The following ATP8B4 variants were observed in gnomAD, a reference collection of about 807,000 sequenced individuals.
The protein encoded by ATP8B4 is probable phospholipid-transporting ATPase IM.
A neutral mutation model predicts 145.6 loss-of-function variants in ATP8B4; 133 were observed. The ratio of observed to expected loss-of-function variants is 0.91; its 90% confidence interval spans 0.79 to 1.05. ATP8B4 has a LOEUF of 1.05. Ranked by LOEUF, ATP8B4 falls within the 50% of genes least tolerant of loss-of-function variation. The pLI, the probability that ATP8B4 is intolerant of heterozygous loss-of-function variation, is 0.00. For synonymous variants in ATP8B4, 507 were observed against 492.9 expected (o/e 1.03, Z -0.38); for missense variants, 1,458 against 1,425.2 (o/e 1.02, Z -0.37).
intron 16 of ATP8B4, among the ~76,000 whole-genome samples, chr15:49,925,717 A>G (rs1398328981): frequency 6.6e-6 from 1 of 152,150 alleles, no homozygotes; most frequent in South Asian, 2.1e-4. Flanking sequence ...CCCTTAACCT[A>G]GTATTTGTCC....
At chr15:50,000,722 CAA>C (rs2047817346) in intron 8 of ATP8B4, among the ~76,000 whole-genome samples, 1 of 152,102 alleles carries the variant, frequency 6.6e-6, no homozygotes, top group South Asian at 2.1e-4. Context: ...TCCAGTTTAT[CAA>C]AGTTTTCCTT....
chr15:49,951,811 AT>A (rs1231375741), intron 14 of ATP8B4, among the ~76,000 whole-genome samples: 3 of 151,854 alleles, frequency 2.0e-5, no homozygotes, highest in Non-Finnish European at 4.4e-5. Context: ...AATTTAATGT[AT>A]TTTTTCAGTG....
intron 3 of ATP8B4, among the ~76,000 whole-genome samples, chr15:50,055,412 G>T (rs996199171): frequency 1.3e-5 from 2 of 152,136 alleles, no homozygotes; most frequent in African/African-American, 4.8e-5. Flanking sequence ...GTATCTCTAT[G>T]TTTGTCTTAA....
intron 3 of ATP8B4, among the ~76,000 whole-genome samples, chr15:50,055,286 A>G (rs916294701): frequency 6.6e-6 from 1 of 152,170 alleles, no homozygotes; most frequent in African/African-American, 2.4e-5. Context: ...TGTCCATTCA[A>G]CTCAAACTAA....
At chr15:50,029,486 T>C (rs1044488397) in intron 6 of ATP8B4, among the ~76,000 whole-genome samples, 1 of 152,116 alleles carries the variant, frequency 6.6e-6, no homozygotes, top group African/African-American at 2.4e-5. Context: ...TCTTTCCTTC[T>C]CTTCTCTCAT....
At chr15:49,924,157 G>A (rs962266503) in intron 16 of ATP8B4, among the ~76,000 whole-genome samples, 2 of 151,906 alleles carry the variant, frequency 1.3e-5, no homozygotes, top group African/African-American at 4.8e-5. Context: ...ACAGGTTTGA[G>A]ACTGACAGCC....
intron 1 of ATP8B4, among the ~76,000 whole-genome samples, chr15:50,149,927 G>A (rs1417727955): frequency 6.6e-6 from 1 of 151,958 alleles, no homozygotes; most frequent in African/African-American, 2.4e-5. Flanking sequence ...ATGGCAAAAC[G>A]CTGTCTCTAC....
intron 2 of ATP8B4, among the ~76,000 whole-genome samples, chr15:50,079,912 A>G (rs1449743176): frequency 6.6e-6 from 1 of 152,220 alleles, no homozygotes; most frequent in Non-Finnish European, 1.5e-5. Context: ...AAGACCCGAA[A>G]GAAGATCAAG....
intron 6 of ATP8B4, among the ~76,000 whole-genome samples, chr15:50,015,735 T>C (rs541737613): frequency 6.6e-6 from 1 of 152,202 alleles, no homozygotes; most frequent in South Asian, 2.1e-4. Flanking sequence ...AGCTTGGCCC[T>C]AATCCCCTAA....
chr15:49,926,370 C>G (rs922926812), intron 16 of ATP8B4, among the ~76,000 whole-genome samples: 3 of 152,112 alleles, frequency 2.0e-5, no homozygotes, highest in African/African-American at 7.2e-5. Context: ...AACCATACAT[C>G]TAAGGGAAGC....
At chr15:50,013,179 A>C (rs1170293892) in intron 6 of ATP8B4, among the ~76,000 whole-genome samples, 2 of 152,122 alleles carry the variant, frequency 1.3e-5, no homozygotes, top group Non-Finnish European at 2.9e-5. Context: ...CTAGACTTCT[A>C]AAATTTTAGC....
At chr15:49,935,052 T>A (rs2041621577) in intron 14 of ATP8B4, among the ~76,000 whole-genome samples, 1 of 152,130 alleles carries the variant, frequency 6.6e-6, no homozygotes, top group Admixed American at 6.6e-5. Context: ...ACTACTTTTT[T>A]AAAGAGAAAC....
At chr15:49,962,233 C>T (rs528202161) in intron 13 of ATP8B4, among the ~76,000 whole-genome samples, 5 of 152,146 alleles carry the variant, frequency 3.3e-5, no homozygotes, top group Non-Finnish European at 7.4e-5. Flanking sequence ...CAAGATAGGA[C>T]TAAAGTGCAG....
chr15:50,106,871 TC>T, intron 2 of ATP8B4, 67 bp downstream of exon 2: 1 of 1,471,506 alleles, frequency 6.8e-7, no homozygotes, highest in Non-Finnish European at 9.2e-7. Flanking sequence ...AAATTAAACT[TC>T]CATGAAAAAA....
At chr15:50,059,920 C>A (rs1325363747) in intron 3 of ATP8B4, among the ~76,000 whole-genome samples, 1 of 152,168 alleles carries the variant, frequency 6.6e-6, no homozygotes, top group Non-Finnish European at 1.5e-5. Flanking sequence ...TTTTTAGAAA[C>A]TGGTTTTCCC....
Position 49,991,856 on chromosome 15 carries a change from T to A in ATP8B4, c.590-4307A>T, listed in dbSNP as rs1443007207. Among the ~76,000 whole-genome samples, 2 of 152,160 alleles carry A rather than the reference T, an allele frequency of 1.3e-5. 1 individual carries two copies. The highest frequency in any genetic ancestry group is 1.3e-4 in the Admixed American group (2 of 15,264). The stretch of plus-strand genomic sequence containing the variant: ...TCATCCTTGTGCTGGATGGACTTGA[T>A]CTCTGGTAATTAATTTCGTACCTTT... On this transcript the variant is annotated intron_variant, in intron 9 of 27. Coordinates refer to ENST00000284509, the MANE Select transcript of ATP8B4 (RefSeq NM_024837.4).
At chr15:50,146,937 C>T (rs1330990537) in intron 1 of ATP8B4, among the ~76,000 whole-genome samples, 2 of 152,214 alleles carry the variant, frequency 1.3e-5, no homozygotes, top group Non-Finnish European at 2.9e-5. Context: ...TCCCAGTGCA[C>T]AAGCCAGTTG....
intron 1 of ATP8B4, among the ~76,000 whole-genome samples, chr15:50,133,261 T>C (rs1353306769): frequency 6.6e-6 from 1 of 152,184 alleles, no homozygotes; most frequent in East Asian, 1.9e-4. Context: ...TACTGTATAA[T>C]TCTCACTTAC....
At chr15:50,030,042 C>A (rs895318475) in intron 6 of ATP8B4, among the ~76,000 whole-genome samples, 1 of 152,152 alleles carries the variant, frequency 6.6e-6, no homozygotes. Flanking sequence ...TGTAGACAAC[C>A]TTTGAGCTCT....
Sources: gnomAD v4.1 joint callset for allele counts (sites outside exome capture counted in the v4.1 genomes callset) on GRCh38, gnomAD v4.1.1 for gene constraint, MANE v1.5 for transcripts, NCBI Gene and HGNC (gene_info 2026-07-23, HGNC 2026-07-21) for gene names.